The following CAMKK2 variants were observed in gnomAD, a reference collection of about 807,000 sequenced individuals.
CAMKK2 encodes calcium/calmodulin dependent protein kinase kinase 2.
A neutral mutation model predicts 67.2 loss-of-function variants in CAMKK2; 30 were observed. The observed-to-expected ratio is 0.45, with a 90% CI of 0.33 to 0.61. The LOEUF (loss-of-function observed/expected upper bound fraction) is 0.61. Among genes scored for constraint, CAMKK2 ranks in the 20% least tolerant of loss-of-function variants. The pLI is 0.02. For missense variants in CAMKK2, 643 were observed against 802.0 expected, an observed-to-expected ratio of 0.80 and a Z score of 2.39; for synonymous variants, 322 against 326.2, an observed-to-expected ratio of 0.99 and a Z score of 0.14.
In CAMKK2 at chr12:121,252,662, T is replaced by C; in HGVS notation, c.1160A>G (p.Gln387Arg). The change falls in exon 11 of 17, where the codon CAG becomes CGG. Residue 387 changes from glutamine to arginine, a missense_variant and splice_region_variant. Physicochemically the swap from Gln to Arg is conservative, Grantham distance 43 (BLOSUM62 1). Around this residue, in one of 3 missense-constraint regions of CAMKK2, gnomAD observed 483 missense variants for 625.8 expected, o/e 0.77. Transcript: ENST00000404169. ...GVTLYCFVFG[Q>R]CPFMDERIMC... is the part of the protein sequence containing the mutation. Reference sequence around the variant, plus strand: ...GGGACAGACACCCCGCCCTCTTACCTGGCCAAAGACAAAGCAGTATAGTGT... The same window carrying C: ...GGGACAGACACCCCGCCCTCTTACCCGGCCAAAGACAAAGCAGTATAGTGT... 6.2e-7 allele frequency: 1 copy of C among 1,614,152 alleles called. No individual in the cohort carries two copies. The highest frequency in any genetic ancestry group is 1.1e-5 in the South Asian group (1 of 91,086).
At chr12:121,293,146 G>A (rs1189897454) in intron 1 of CAMKK2, among the ~76,000 whole-genome samples, 2 of 152,042 alleles carry the variant, frequency 1.3e-5, no homozygotes, top group African/African-American at 4.8e-5. Flanking sequence ...GCCTGGTGGT[G>A]TGTACCTGTA....
chr12:121,274,442 C>CTGGG lies in CAMKK2; in HGVS notation c.84_85insCCCA (p.Glu29ProfsTer8). ...AGGGCCTCACAGGGCTTCTGGCTTT[C>CTGGG]GCTGCTGCTGCTGCCCCTGCCCCCC... On this transcript the variant is annotated frameshift_variant, in exon 2 of 17. Transcript: ENST00000404169. LOFTEE classifies it high-confidence loss of function. 6.2e-7 allele frequency: 1 copy of CTGGG among 1,613,062 alleles called. No individual in the cohort carries two copies. Among genetic ancestry groups the CTGGG allele is most frequent in the Non-Finnish European group, 8.5e-7 (1 of 1,179,954 alleles).
At chr12:121,249,690 A>G in intron 13 of CAMKK2, 97 bp downstream of exon 13, 1 of 979,724 alleles carries the variant, frequency 1.0e-6, no homozygotes, top group Non-Finnish European at 1.7e-6. Context: ...GGTGCCAAGG[A>G]GGGTGTGGTG....
At chr12:121,276,452 A>T (rs1033865445) in intron 1 of CAMKK2, among the ~76,000 whole-genome samples, 1 of 152,164 alleles carries the variant, frequency 6.6e-6, no homozygotes, top group Non-Finnish European at 1.5e-5. Flanking sequence ...AGCCTGGGTG[A>T]CTGAACAAGA....
chr12:121,264,920 A>C (rs1279385287), intron 5 of CAMKK2, among the ~76,000 whole-genome samples: 1 of 151,736 alleles, frequency 6.6e-6, no homozygotes, highest in Non-Finnish European at 1.5e-5. Context: ...TGCAGTGAGA[A>C]GTGATCATGC....
chr12:121,274,082 G>A lies in CAMKK2; in HGVS notation c.445C>T (p.His149Tyr). Residue 149 changes from histidine to tyrosine, a missense_variant, in exon 2 of 17, where the codon CAC becomes TAC. Around this residue, in one of 3 missense-constraint regions of CAMKK2, gnomAD observed 483 missense variants for 625.8 expected, o/e 0.77. Coordinates refer to ENST00000404169, the MANE Select transcript of CAMKK2 (RefSeq NM_001270485.2). Reference protein sequence around the residue: ...RLPRRPTVESHHVSITGMQDC... With the variant: ...RLPRRPTVESYHVSITGMQDC... Reference sequence around the variant, plus strand: ...TGCATACCCGTGATGGAGACGTGGTGAGACTCCACTGTCGGCCGCCGGGGC... The same window carrying A: ...TGCATACCCGTGATGGAGACGTGGTAAGACTCCACTGTCGGCCGCCGGGGC... The A allele has an allele frequency of 3.9e-6, 6 of 1,520,622 alleles. No homozygotes were observed. The highest frequency in any genetic ancestry group is 1.3e-5 in the South Asian group (1 of 77,444). 94.2% of individuals were successfully genotyped at this position (1,520,622 alleles called of 1,614,324 possible).
chr12:121,281,670 G>A (rs934230874), intron 1 of CAMKK2, among the ~76,000 whole-genome samples: 5 of 152,224 alleles, frequency 3.3e-5, no homozygotes, highest in African/African-American at 4.8e-5. Context: ...GCACAAGGCC[G>A]GGTGCGGTGG....
intron 1 of CAMKK2, among the ~76,000 whole-genome samples, chr12:121,276,498 C>T (rs909811891): frequency 1.3e-5 from 2 of 152,140 alleles, no homozygotes; most frequent in Admixed American, 6.5e-5. Flanking sequence ...AAGATTAACA[C>T]ATCCCCTTAG....
At chr12:121,277,764 C>A (rs188830831) in intron 1 of CAMKK2, among the ~76,000 whole-genome samples, 72 of 152,244 alleles carry the variant, frequency 4.7e-4, no homozygotes, top group Admixed American at 3.3e-4. Context: ...GTTAGGAGTT[C>A]CAGATAAGCC....
At chr12:121,282,756 T>C (rs1278525747) in intron 1 of CAMKK2, among the ~76,000 whole-genome samples, 1 of 150,158 alleles carries the variant, frequency 6.7e-6, no homozygotes, top group Non-Finnish European at 1.5e-5. Flanking sequence ...TTTTTTTTCT[T>C]TTCTTTTCTT....
intron 2 of CAMKK2, among the ~76,000 whole-genome samples, chr12:121,272,884 CAAA>C (rs977400399): frequency 6.6e-6 from 1 of 151,278 alleles, no homozygotes; most frequent in African/African-American, 2.4e-5. Flanking sequence ...ACAACAACAA[CAAA>C]AAAAAGCCCC....
chr12:121,261,731 A>C (rs1345250669), intron 6 of CAMKK2, among the ~76,000 whole-genome samples: 1 of 152,238 alleles, frequency 6.6e-6, no homozygotes, highest in Non-Finnish European at 1.5e-5. Context: ...AGAGGCTTCC[A>C]GCCCTTTCCA....
At position 121,248,741 on chromosome 12, in the gene CAMKK2, C is replaced by G. The variant is rs202066052; in HGVS notation, c.1324-7G>C. 6.2e-7 allele frequency: 1 copy of G among 1,613,870 alleles called. No homozygotes were observed. Among genetic ancestry groups the G allele is most frequent in the Non-Finnish European group, 8.5e-7 (1 of 1,179,970 alleles). On this transcript the variant is annotated splice_region_variant and splice_polypyrimidine_tract_variant and intron_variant, in intron 13 of 16. Coordinates refer to ENST00000404169, the MANE Select transcript of CAMKK2 (RefSeq NM_001270485.2). ...TCGTGACCCAGGGGTGCAGCTTCAA[C>G]GAACGACAGGAGGGGTGAGGGGCAG...
chr12:121,297,537 A>T, upstream of CAMKK2: 1 of 496,470 alleles, frequency 2.0e-6, no homozygotes, highest in Admixed American at 2.1e-5. Context: ...TTTGGCACTT[A>T]CTTTGCTGGA....
chr12:121,241,013 G>A (rs1283004494), intron 16 of CAMKK2, 144 bp from the exon 17 acceptor site: 1 of 752,634 alleles, frequency 1.3e-6, no homozygotes. Context: ...CAGTCTTTGA[G>A]ATCCTCTCCC....
At chr12:121,246,047 A>G (rs1027204125) in intron 14 of CAMKK2, among the ~76,000 whole-genome samples, 13 of 152,092 alleles carry the variant, frequency 8.5e-5, no homozygotes, top group Admixed American at 2.0e-4. Flanking sequence ...ACACAAATCT[A>G]TAGACACAGA....
chr12:121,260,836 C>A (rs1208877177), intron 6 of CAMKK2, among the ~76,000 whole-genome samples: 1 of 151,816 alleles, frequency 6.6e-6, no homozygotes, highest in Non-Finnish European at 1.5e-5. Flanking sequence ...CCTGAGTAAT[C>A]CACCTACTCA....
chr12:121,282,661 C>T (rs1214558720), intron 1 of CAMKK2, among the ~76,000 whole-genome samples: 1 of 152,168 alleles, frequency 6.6e-6, no homozygotes, highest in Non-Finnish European at 1.5e-5. Context: ...ACAGACTCCC[C>T]TCGGAGCCTT....
intron 2 of CAMKK2, among the ~76,000 whole-genome samples, chr12:121,272,701 TAAAAAAAAAA>T (rs11292057): frequency 9.4e-5 from 11 of 117,472 alleles, no homozygotes; most frequent in South Asian, 2.8e-4. Flanking sequence ...CATCTCTACT[TAAAAAAAAAA>T]AAAAAAAAAA....
Sources: gnomAD v4.1 joint callset for allele counts (sites outside exome capture counted in the v4.1 genomes callset) on GRCh38, gnomAD v4.1.1 for gene constraint, gnomAD v4.1.1 regional missense constraint, MANE v1.5 for transcripts, NCBI Gene and HGNC (gene_info 2026-07-23, HGNC 2026-07-21) for gene names.